RBFOX1: variants seen among roughly 807,000 people sequenced by gnomAD.
RBFOX1 encodes the protein RNA binding fox-1 homolog 1.
In RBFOX1, 8 loss-of-function variants were observed where a neutral mutation model predicts 57.7. The observed-to-expected ratio is 0.14, with a 90% CI of 0.08 to 0.25. The LOEUF (loss-of-function observed/expected upper bound fraction) is 0.25, where lower values mean the gene tolerates loss of function less well. Ranked by LOEUF, RBFOX1 falls within the 10% of genes least tolerant of loss-of-function variation. RBFOX1 has a pLI of 1.00. For missense variants in RBFOX1, 611 were observed against 548.5 expected (o/e 1.11, Z -1.14); for synonymous variants, 326 against 222.4 (o/e 1.47, Z -4.15).
intron 3 of RBFOX1, among the ~76,000 whole-genome samples, chr16:5,731,438 A>G (rs536985169): frequency 2.0e-5 from 3 of 152,284 alleles, no homozygotes; most frequent in Non-Finnish European, 4.4e-5. Context: ...TTCTTACACA[A>G]CCTTAGAAGG....
At chr16:5,767,459 A>C (rs2053825590) in intron 3 of RBFOX1, among the ~76,000 whole-genome samples, 1 of 152,092 alleles carries the variant, frequency 6.6e-6, no homozygotes, top group South Asian at 2.1e-4. Flanking sequence ...TGAATACCTG[A>C]AGGTAATGTG....
At chr16:5,604,328 G>T (rs535270354), downstream of RBFOX1, among the ~76,000 whole-genome samples, 2 of 152,302 alleles carry the variant, frequency 1.3e-5, no homozygotes, top group Non-Finnish European at 2.9e-5. Flanking sequence ...TTCTCACCAA[G>T]CTGCAGGCAA....
intron 3 of RBFOX1, among the ~76,000 whole-genome samples, chr16:6,970,426 A>G (rs893692989): frequency 6.6e-6 from 1 of 152,158 alleles, no homozygotes; most frequent in African/African-American, 2.4e-5. Flanking sequence ...TCAGGCTGCT[A>G]CATCAAGATA....
chr16:7,406,749 T>C (rs1019752751), intron 4 of RBFOX1, among the ~76,000 whole-genome samples: 12 of 152,202 alleles, frequency 7.9e-5, no homozygotes, highest in African/African-American at 2.9e-4. Context: ...AGAGTGACTC[T>C]CTTAGCGTTC....
chr16:7,423,333 A>G (rs766730301), intron 4 of RBFOX1, among the ~76,000 whole-genome samples: 1 of 152,038 alleles, frequency 6.6e-6, no homozygotes, highest in Admixed American at 6.6e-5. Context: ...CAAAGAGTGC[A>G]TCTTGCAAAA....
intron 2 of RBFOX1, among the ~76,000 whole-genome samples, chr16:6,380,814 T>C (rs2091736888): frequency 6.6e-6 from 1 of 152,184 alleles, no homozygotes; most frequent in Non-Finnish European, 1.5e-5. Flanking sequence ...CTCACCAGTT[T>C]GTGCTGCCTT....
chr16:5,993,437 C>A, intron 4 of RBFOX1, among the ~76,000 whole-genome samples: 1 of 142,718 alleles, frequency 7.0e-6, no homozygotes, highest in East Asian at 2.1e-4. Context: ...CAGAGAGAGA[C>A]AGAGACTTTC....
chr16:6,580,798 G>T (rs952632424), intron 2 of RBFOX1, among the ~76,000 whole-genome samples: 1 of 152,058 alleles, frequency 6.6e-6, no homozygotes, highest in Admixed American at 6.5e-5. Flanking sequence ...TTCAGACACA[G>T]ATTCTGTTAT....
intron 12 of RBFOX1, among the ~76,000 whole-genome samples, chr16:7,662,774 C>T (rs866778178): frequency 4.6e-5 from 7 of 152,322 alleles, no homozygotes; most frequent in African/African-American, 1.4e-4. Context: ...AGCATGATGC[C>T]ACCCATCCCT....
intron 1 of RBFOX1, among the ~76,000 whole-genome samples, chr16:6,205,050 T>G (rs561442581): frequency 6.6e-6 from 1 of 152,290 alleles, no homozygotes; most frequent in East Asian, 1.9e-4. Context: ...TGTTAATATT[T>G]AAGAAGTAGG....
chr16:5,739,448 G>C (rs2052698556), intron 3 of RBFOX1, among the ~76,000 whole-genome samples: 1 of 152,192 alleles, frequency 6.6e-6, no homozygotes, highest in South Asian at 2.1e-4. Flanking sequence ...AAATAAGTAA[G>C]TTATAAGGAG....
chr16:7,178,284 C>T (rs959878200), intron 4 of RBFOX1, among the ~76,000 whole-genome samples: 2 of 152,206 alleles, frequency 1.3e-5, no homozygotes, highest in Non-Finnish European at 2.9e-5. Flanking sequence ...CTGCAACACA[C>T]AGCCTTCTTG....
At chr16:7,379,277 C>G (rs942770978) in intron 4 of RBFOX1, among the ~76,000 whole-genome samples, 1 of 152,046 alleles carries the variant, frequency 6.6e-6, no homozygotes, top group Admixed American at 6.5e-5. Flanking sequence ...GTAACTGTGC[C>G]CTGCCTCTTT....
At chr16:7,204,155 G>A (rs2089399567) in intron 4 of RBFOX1, among the ~76,000 whole-genome samples, 1 of 152,168 alleles carries the variant, frequency 6.6e-6, no homozygotes, top group Admixed American at 6.5e-5. Context: ...CTGCCAGAAG[G>A]CTTTACTTTC....
At chr16:6,678,220 G>A (rs1413047778) in intron 3 of RBFOX1, among the ~76,000 whole-genome samples, 1 of 152,146 alleles carries the variant, frequency 6.6e-6, no homozygotes, top group East Asian at 1.9e-4. Context: ...GCCTCCTTGA[G>A]TTCAAGCATT....
intron 4 of RBFOX1, among the ~76,000 whole-genome samples, chr16:7,175,721 C>T (rs893576076): frequency 4.6e-5 from 7 of 152,292 alleles, no homozygotes; most frequent in Non-Finnish European, 7.3e-5. Flanking sequence ...CTTCCAGCCA[C>T]GCAGTAGTTG....
rs960277639 is a variant in RBFOX1, at chr16:7,570,188, C to A, written c.271-9589C>A. On this transcript the variant is annotated intron_variant, in intron 5 of 15. Coordinates refer to ENST00000550418, the MANE Select transcript of RBFOX1 (RefSeq NM_018723.4). ...CTTTTTTTTTTTTTTTAAAAAGTGA[C>A]TTCTAAGAATTCTAAAATGACGTAT... 7.4e-4 allele frequency among the ~76,000 whole-genome samples: 108 copies of A among 145,992 alleles called. 1 individual carries two copies. Among genetic ancestry groups the A allele is most frequent in the African/African-American group, 2.7e-3 (107 of 39,278 alleles).
chr16:5,798,524 G>A (rs1465659187), intron 3 of RBFOX1, among the ~76,000 whole-genome samples: 2 of 152,190 alleles, frequency 1.3e-5, no homozygotes, highest in Non-Finnish European at 2.9e-5. Context: ...GCAAGTGGTA[G>A]AACTTTAAAC....
chr16:5,933,268 T>C (rs1048415859), intron 4 of RBFOX1, among the ~76,000 whole-genome samples: 1 of 152,160 alleles, frequency 6.6e-6, no homozygotes, highest in Admixed American at 6.5e-5. Context: ...CAGGCTCTTG[T>C]TATTTAGAAA....
Sources: allele counts gnomAD v4.1 joint callset (sites outside exome capture counted in the v4.1 genomes callset), GRCh38; gene constraint gnomAD v4.1.1; transcripts MANE v1.5; gene names NCBI Gene and HGNC (gene_info 2026-07-23, HGNC 2026-07-21).